AGAP4: variants seen among roughly 807,000 people sequenced by gnomAD.
AGAP4 encodes the protein arf-GAP with GTPase, ANK repeat and PH domain-containing protein 4.
A neutral mutation model predicts 60.7 loss-of-function variants in AGAP4; 13 were observed. The observed-to-expected ratio is 0.21, with a 90% CI of 0.14 to 0.34. The LOEUF (loss-of-function observed/expected upper bound fraction) is 0.34, where lower values mean the gene tolerates loss of function less well. Among genes scored for constraint, AGAP4 ranks in the 10% least tolerant of loss-of-function variants. The pLI, the probability that AGAP4 is intolerant of heterozygous loss-of-function variation, is 1.00. For synonymous variants in AGAP4, 70 were observed against 339.0 expected (o/e 0.21, Z 8.72); for missense variants, 169 against 884.0 (o/e 0.19, Z 10.26).
chr10:45,834,606 C>T, intron 4 of AGAP4, among the ~76,000 whole-genome samples: 1 of 79,078 alleles, frequency 1.3e-5, no homozygotes, highest in East Asian at 4.5e-4. Flanking sequence ...ACCCAGGAGG[C>T]GGAGCTTGCA....
At chr10:45,844,028 T>C (rs1331726284) in intron 3 of AGAP4, among the ~76,000 whole-genome samples, 5 of 150,224 alleles carry the variant, frequency 3.3e-5, no homozygotes, top group African/African-American at 7.6e-5. Context: ...GATGAATCCA[T>C]TAATTATAAA....
rs200116047 is a variant in AGAP4 at position 45,834,073 on chromosome 10, G to A, written c.440C>T (p.Thr147Ile). 424 of 1,593,520 alleles carry A rather than the reference G, an allele frequency of 2.7e-4. 9 individuals carry two copies. The highest frequency in any genetic ancestry group is 3.0e-4 in the South Asian group (27 of 89,944). ...RFSQQYSLCS[T>I]IFLDDSTAIQ... ...GGCTGTGCTGTCATCAAGGAATATT[G>A]TCGAACACAAGCTGTATTGTTGACT... Residue 147 changes from threonine (T) to isoleucine (I), a missense_variant, in exon 5 of 8, where the codon ACA becomes ATA. Transcript: ENST00000616763.
At chr10:45,837,732 G>A (rs1260096403) in intron 4 of AGAP4, among the ~76,000 whole-genome samples, 1 of 150,746 alleles carries the variant, frequency 6.6e-6, no homozygotes, top group South Asian at 2.1e-4. Context: ...GATGGATCAA[G>A]GACATAAATC....
intron 6 of AGAP4, among the ~76,000 whole-genome samples, chr10:45,830,041 G>A (rs1308499026): frequency 3.4e-5 from 5 of 146,580 alleles, no homozygotes; most frequent in African/African-American, 7.4e-5. Flanking sequence ...AAATGCCACC[G>A]TAACTAATTT....
upstream of AGAP4, chr10:45,848,051 T>A: frequency 1.0e-6 from 1 of 990,146 alleles, no homozygotes; most frequent in Non-Finnish European, 1.2e-6. Context: ...GCAACCAAGT[T>A]GAACAACTTT....
intron 6 of AGAP4, among the ~76,000 whole-genome samples, chr10:45,828,297 T>C (rs1349002246): frequency 6.7e-6 from 1 of 148,164 alleles, no homozygotes; most frequent in Non-Finnish European, 1.5e-5. Context: ...TGATAACCAG[T>C]CAGAAATGCC....
Position 45,845,389 on chromosome 10 carries a change from G to A in AGAP4, c.293-995C>T, listed in dbSNP as rs2058982154. ...TCTGGCATTTAAATGAAAACAATAA[G>A]CCTACTGGATGTAATATGTTTATGA... On this transcript the variant is annotated intron_variant, in intron 2 of 7. Coordinates refer to ENST00000616763, the MANE Select transcript of AGAP4 (RefSeq NM_001276343.3). Among the ~76,000 whole-genome samples, 2 of 97,602 alleles carry A rather than the reference G, an allele frequency of 2.0e-5. 1 individual carries two copies. Among genetic ancestry groups the A allele is most frequent in the Admixed American group, 1.8e-4 (2 of 11,340 alleles). The allele number at this position is 97,602 out of a possible 152,430, so 64.0% of individuals were successfully genotyped here. A position where few individuals can be genotyped will look rare whatever the true frequency, so the allele number is the denominator to read the frequency against.
upstream of AGAP4, chr10:45,848,986 G>A (rs2059044308): frequency 6.7e-6 from 1 of 150,246 alleles, no homozygotes; most frequent in South Asian, 2.2e-4. Context: ...AGTACTTTGG[G>A]AGGCCAAGGC....
chr10:45,831,584 CTTTG>C (rs1324322450), intron 5 of AGAP4, among the ~76,000 whole-genome samples, 155 bp from the exon 6 acceptor site: 1 of 128,360 alleles, frequency 7.8e-6, no homozygotes, highest in African/African-American at 2.8e-5. Flanking sequence ...GTTTTCATTT[CTTTG>C]TTTTTTACAA....
At chr10:45,849,473 G>GATGATGATGATT (rs1554900083), upstream of AGAP4, among the ~76,000 whole-genome samples, 133 of 144,922 alleles carry the variant, frequency 9.2e-4, no homozygotes, top group Admixed American at 1.9e-3. Context: ...TGATGATGAT[G>GATGATGATGATT]ATTATTATTA....
At chr10:45,849,387 G>T (rs1554900059), upstream of AGAP4, among the ~76,000 whole-genome samples, 1 of 151,676 alleles carries the variant, frequency 6.6e-6, no homozygotes, top group Non-Finnish European at 1.5e-5. Context: ...ATGAGATTTG[G>T]GTGGGGGCAT....
chr10:45,830,135 C>T (rs74477906), intron 6 of AGAP4, among the ~76,000 whole-genome samples: 1 of 148,208 alleles, frequency 6.7e-6, no homozygotes, highest in Non-Finnish European at 1.5e-5. Flanking sequence ...CACCTTCTAC[C>T]AACTACATAT....
upstream of AGAP4, chr10:45,847,588 G>A (rs1475744924): frequency 2.1e-6 from 3 of 1,429,816 alleles, no homozygotes; most frequent in Non-Finnish European, 2.7e-6. Flanking sequence ...TTGTCTGGGA[G>A]GGTGAAGACC....
Position 45,831,395 on chromosome 10 carries a change from T to C in AGAP4, c.532A>G (p.Arg178Gly). 4 of 1,586,194 alleles carry C rather than the reference T, an allele frequency of 2.5e-6. 1 individual carries two copies. The South Asian group carries it at 3.3e-5, about 13-fold the overall frequency. ...AAGACAGGTTTCTAAAAAGCTCACC[T>C]TTGTGTGATATGATGAGGTATCTCC... is the stretch of plus-strand genomic sequence containing the variant. ...TLEIPHHITQ[R>G]DADRSLSIPD... Residue 178 changes from arginine to glycine, a missense_variant and splice_region_variant, in exon 6 of 8, where the codon AGA (arginine) becomes GGA (glycine). Arg to Gly is a moderately radical substitution (Grantham distance 125, BLOSUM62 -2). Transcript: ENST00000616763.
intron 3 of AGAP4, among the ~76,000 whole-genome samples, 200 bp from the exon 4 acceptor site, chr10:45,841,887 G>C (rs1473634789): frequency 6.6e-6 from 1 of 151,702 alleles, no homozygotes; most frequent in Non-Finnish European, 1.5e-5. Flanking sequence ...TTTTCATTTA[G>C]TTTACTTTTT....
chr10:45,851,793 G>T (rs1330104494), upstream of AGAP4, among the ~76,000 whole-genome samples: 2 of 151,944 alleles, frequency 1.3e-5, no homozygotes, highest in African/African-American at 4.8e-5. Flanking sequence ...CTGGATCAGG[G>T]ACAGATTAGC....
chr10:45,837,112 G>C (rs1278156086), intron 4 of AGAP4, among the ~76,000 whole-genome samples: 184 of 138,940 alleles, frequency 1.3e-3, no homozygotes, highest in African/African-American at 3.8e-3. Context: ...TGATCCGTCC[G>C]CCTCAGCCTC....
At chr10:45,848,904 A>C (rs1446518763), upstream of AGAP4, 8 of 150,230 alleles carry the variant, frequency 5.3e-5, no homozygotes, top group Non-Finnish European at 1.0e-4. Context: ...GGAACATGTG[A>C]AGGAGCAACT....
Position 45,844,348 on chromosome 10 carries a change from G to A in AGAP4, c.339C>T (p.Phe113=). The stretch of plus-strand genomic sequence containing the variant: ...CACCATCTGTTTGAGAGTTCCTCTG[G>A]AATATTGTGCTTGCCTCTGGATTGG... ...PSANPEASTI[F]QRNSQTDVVE... The change falls in exon 3 of 8, where the codon TTC becomes TTT. Residue 113 remains phenylalanine, a synonymous_variant. Transcript: ENST00000616763. 1 of 1,594,202 alleles carries A rather than the reference G, an allele frequency of 6.3e-7. No homozygotes were observed. Among genetic ancestry groups the A allele is most frequent in the East Asian group, 2.2e-5 (1 of 44,810 alleles).
Sources: allele counts gnomAD v4.1 joint callset (sites outside exome capture counted in the v4.1 genomes callset), GRCh38; gene constraint gnomAD v4.1.1; transcripts MANE v1.5; gene names NCBI Gene and HGNC (gene_info 2026-07-23, HGNC 2026-07-21).